LEKR1: variants seen among roughly 807,000 people sequenced by gnomAD.
The protein encoded by LEKR1 is leucine, glutamate and lysine rich 1.
A neutral mutation model predicts 72.4 loss-of-function variants in LEKR1; 59 were observed. That is an observed-to-expected ratio of 0.82 (90% confidence interval 0.66 to 1.01). The LOEUF (loss-of-function observed/expected upper bound fraction) is 1.01. LEKR1 is among the 50% of genes least tolerant of loss of function. The probability of loss-of-function intolerance (pLI) is 0.00; values close to 1 mark genes in which losing one functional copy is unlikely to be tolerated. For missense variants in LEKR1, 728 were observed against 759.2 expected (o/e 0.96, Z 0.48); for synonymous variants, 257 against 263.2 (o/e 0.98, Z 0.23).
chr3:156,995,510 G>C (rs1731492163), intron 9 of LEKR1, among the ~76,000 whole-genome samples: 1 of 151,982 alleles, frequency 6.6e-6, no homozygotes, highest in South Asian at 2.1e-4. Flanking sequence ...GTGACACTAA[G>C]TTTACAGACA....
intron 3 of LEKR1, among the ~76,000 whole-genome samples, chr3:156,868,883 T>C (rs1408865108): frequency 6.6e-6 from 1 of 152,000 alleles, no homozygotes; most frequent in Non-Finnish European, 1.5e-5. Context: ...CTATCAGTTT[T>C]CTCTCTACTT....
Position 156,895,414 on chromosome 3 carries a change from G to A in LEKR1, c.264-25161G>A, listed in dbSNP as rs140107933. The stretch of plus-strand genomic sequence containing the variant: ...GGATCAACTGAGCTCAGGAGTTCAA[G>A]ACCAGCCTGAGCAACATGGCAGAAA... On this transcript the variant is annotated intron_variant, in intron 3 of 12. Coordinates refer to ENST00000356539, the MANE Select transcript of LEKR1 (RefSeq NM_001004316.3). Among the ~76,000 whole-genome samples, 608 of 152,188 alleles carry A rather than the reference G, an allele frequency of 4.0e-3. 3 individuals carry two copies. The highest frequency in any genetic ancestry group is 0.014 in the African/African-American group (592 of 41,526).
intron 2 of LEKR1, among the ~76,000 whole-genome samples, chr3:156,842,356 T>G (rs930664822): frequency 3.3e-5 from 5 of 151,918 alleles, no homozygotes; most frequent in Admixed American, 2.0e-4. Flanking sequence ...AGGCTTTTTT[T>G]TTTCTTTCTT....
At position 157,045,793 on chromosome 3, in the gene LEKR1, T is replaced by C. The variant is rs1735716274; in HGVS notation, c.*43T>C. On this transcript the variant is annotated 3_prime_UTR_variant, in exon 13 of 13. Transcript: ENST00000356539. ...GAAGCTCCCTACAGCGTGCACGCTC[T>C]TTCAGAGAGTGCCAGGAATTCACTG... 2.0e-6 allele frequency: 3 copies of C among 1,520,742 alleles called. No homozygotes were observed. The East Asian group carries it at 6.8e-5, about 34-fold the overall frequency. 94.2% of individuals were successfully genotyped at this position (1,520,742 alleles called of 1,614,324 possible).
In LEKR1 at chr3:156,862,833, G is replaced by A. The variant is rs1716916995; in HGVS notation, c.263+9851G>A. Among the ~76,000 whole-genome samples the A allele has an allele frequency of 1.3e-5, 2 of 152,068 alleles. 1 individual carries two copies. The highest frequency in any genetic ancestry group is 4.1e-4 in the South Asian group (2 of 4,826). On this transcript the variant is annotated intron_variant, in intron 3 of 12. Transcript: ENST00000356539. ...GCAGCCGGTGGAGTTCCACTCAGTG[G>A]AGTAGAGATTTTATGGAAAGCATAA... is the stretch of plus-strand genomic sequence containing the variant.
intron 6 of LEKR1, among the ~76,000 whole-genome samples, chr3:156,962,086 A>G (rs1728180739): frequency 6.6e-6 from 1 of 152,170 alleles, no homozygotes; most frequent in South Asian, 2.1e-4. Context: ...CTGCTCTTAG[A>G]AAAGGTTACT....
intron 2 of LEKR1, among the ~76,000 whole-genome samples, chr3:156,844,188 G>A (rs1714284951): frequency 6.6e-6 from 1 of 152,078 alleles, no homozygotes; most frequent in African/African-American, 2.4e-5. Flanking sequence ...ATAGGGTAAA[G>A]CCAACATTTC....
At position 157,019,384 on chromosome 3, in the gene LEKR1, A is replaced by G. The variant is rs138366068; in HGVS notation, c.1204-5376A>G. 1.6e-4 allele frequency among the ~76,000 whole-genome samples: 25 copies of G among 152,328 alleles called. No homozygotes were observed. The East Asian group carries it at 4.4e-3, about 27-fold the overall frequency. ...TACTAATTATGCATTTCAACAACAA[A>G]TACAAAAGAAATTTAAAAACAATGC... On this transcript the variant is annotated intron_variant, in intron 10 of 12. Coordinates refer to ENST00000356539, the MANE Select transcript of LEKR1 (RefSeq NM_001004316.3).
chr3:156,831,202 G>A (rs1191156398), intron 2 of LEKR1, among the ~76,000 whole-genome samples: 2 of 152,018 alleles, frequency 1.3e-5, no homozygotes, highest in African/African-American at 2.4e-5. Context: ...GAGTCCAAGT[G>A]GGGCATCAGT....
intron 12 of LEKR1, among the ~76,000 whole-genome samples, chr3:157,037,541 A>G (rs1735050670): frequency 6.6e-6 from 1 of 152,306 alleles, no homozygotes; most frequent in East Asian, 1.9e-4. Context: ...AAGACAAAGC[A>G]GATTCTAGCT....
At chr3:156,924,971 A>G (rs889782620) in intron 4 of LEKR1, 1 of 152,700 alleles carries the variant, frequency 6.5e-6, no homozygotes, top group Admixed American at 6.5e-5. Context: ...ATTTCTGCAA[A>G]GTAACCTGCT....
intron 5 of LEKR1, 53 bp downstream of exon 5, chr3:156,927,657 C>A: frequency 3.0e-6 from 2 of 669,504 alleles, no homozygotes; most frequent in Non-Finnish European, 4.2e-6. Context: ...AATGGTACAT[C>A]ATAAGTAATA....
At chr3:156,975,744 CT>C (rs1260347139) in intron 6 of LEKR1, among the ~76,000 whole-genome samples, 1 of 152,128 alleles carries the variant, frequency 6.6e-6, no homozygotes, top group African/African-American at 2.4e-5. Context: ...TCATTTACTT[CT>C]TATTTAATAT....
intron 10 of LEKR1, among the ~76,000 whole-genome samples, chr3:157,017,007 C>T (rs1733393502): frequency 1.3e-5 from 2 of 151,986 alleles, no homozygotes; most frequent in South Asian, 4.1e-4. Context: ...GAAAACATAG[C>T]AAGATAGTAG....
intron 2 of LEKR1, among the ~76,000 whole-genome samples, chr3:156,843,050 C>A (rs1352909154): frequency 6.6e-6 from 1 of 152,156 alleles, no homozygotes; most frequent in Non-Finnish European, 1.5e-5. Context: ...TCCTACCTGT[C>A]CCTGACCTCG....
At chr3:157,019,844 C>A (rs1268477674) in intron 10 of LEKR1, among the ~76,000 whole-genome samples, 1 of 152,126 alleles carries the variant, frequency 6.6e-6, no homozygotes, top group East Asian at 1.9e-4. Flanking sequence ...TCAAACTAAT[C>A]AGATCATGAA....
At chr3:156,911,188 A>G (rs1723072353) in intron 3 of LEKR1, among the ~76,000 whole-genome samples, 1 of 145,584 alleles carries the variant, frequency 6.9e-6, no homozygotes, top group African/African-American at 2.7e-5. Context: ...TTCTTTGAGA[A>G]ATATTTTTTT....
At chr3:156,957,851 A>G (rs1473266258) in intron 6 of LEKR1, among the ~76,000 whole-genome samples, 2 of 151,900 alleles carry the variant, frequency 1.3e-5, no homozygotes, top group Non-Finnish European at 2.9e-5. Context: ...GGAATACATG[A>G]TCATAGGTCA....
chr3:156,844,153 C>T (rs1202052425), intron 2 of LEKR1, among the ~76,000 whole-genome samples: 1 of 152,034 alleles, frequency 6.6e-6, no homozygotes, highest in Non-Finnish European at 1.5e-5. Flanking sequence ...TATAGATAGA[C>T]ATAGGCATAT....
Sources: allele counts gnomAD v4.1 joint callset (sites outside exome capture counted in the v4.1 genomes callset), GRCh38; gene constraint gnomAD v4.1.1; transcripts MANE v1.5; gene names NCBI Gene and HGNC (gene_info 2026-07-23, HGNC 2026-07-21).